Variants in MDGA2 observed in about 807,000 individuals in gnomAD.
MDGA2 encodes the protein MAM domain containing glycosylphosphatidylinositol anchor 2.
MDGA2 carries 40 observed loss-of-function variants against 117.8 expected under a neutral mutation model. The ratio of observed to expected loss-of-function variants is 0.34; its 90% CI spans 0.26 to 0.44. MDGA2 has a LOEUF of 0.44. Ranked by LOEUF, MDGA2 falls within the 20% of genes least tolerant of loss-of-function variation. MDGA2 has a pLI of 1.00. For missense variants in MDGA2, 1,123 were observed against 1,250.6 expected, an observed-to-expected ratio of 0.90 and a Z score of 1.54; for synonymous variants, 452 against 439.0, an observed-to-expected ratio of 1.03 and a Z score of -0.37.
At chr14:46,932,375 TTAGA>T (rs1884615451) in intron 9 of MDGA2, among the ~76,000 whole-genome samples, 2 of 152,072 alleles carry the variant, frequency 1.3e-5, no homozygotes, top group Non-Finnish European at 2.9e-5. Context: ...CTAATTTCCT[TTAGA>T]TACTTTTTAA....
At chr14:46,962,160 T>C (rs1290328199) in intron 8 of MDGA2, among the ~76,000 whole-genome samples, 1 of 152,204 alleles carries the variant, frequency 6.6e-6, no homozygotes, top group East Asian at 1.9e-4. Flanking sequence ...CATCACTGTC[T>C]AGGATCACAT....
intron 1 of MDGA2, among the ~76,000 whole-genome samples, chr14:47,609,624 A>G (rs4482188): frequency 6.6e-6 from 1 of 151,016 alleles, no homozygotes; most frequent in South Asian, 2.1e-4. Context: ...TTGCTGGATC[A>G]AATGGTAGTT....
chr14:47,310,130 G>C (rs1322785084), intron 1 of MDGA2, among the ~76,000 whole-genome samples: 2 of 152,024 alleles, frequency 1.3e-5, no homozygotes, highest in Non-Finnish European at 2.9e-5. Flanking sequence ...CACATTGGCA[G>C]CTTCAGATTT....
intron 1 of MDGA2, among the ~76,000 whole-genome samples, chr14:47,322,407 T>TTTA (rs904905415): frequency 2.6e-5 from 4 of 152,138 alleles, no homozygotes; most frequent in Admixed American, 2.6e-4. Context: ...CATTTCGTGC[T>TTTA]TTATTATTAT....
At chr14:47,474,590 A>G (rs1239739378) in intron 1 of MDGA2, among the ~76,000 whole-genome samples, 2 of 152,212 alleles carry the variant, frequency 1.3e-5, no homozygotes, top group Admixed American at 1.3e-4. Flanking sequence ...GAACTATACT[A>G]CAATGCTACA....
Position 46,873,512 on chromosome 14 carries a change from T to C in MDGA2, c.2673A>G (p.Ile891Met). 2 of 1,612,646 alleles carry C rather than the reference T, an allele frequency of 1.2e-6. No individual in the cohort carries two copies. The highest frequency in any genetic ancestry group is 1.7e-6 in the Non-Finnish European group (2 of 1,179,078). The change falls in exon 14 of 17, where the codon ATA (isoleucine) becomes ATG (methionine). Residue 891 changes from isoleucine (I) to methionine (M), a missense_variant. This residue lies in a region of MDGA2 where 890 missense variants were observed against 1,050.3 expected (regional missense o/e 0.85). Coordinates refer to ENST00000399232, the MANE Select transcript of MDGA2 (RefSeq NM_001113498.3). ...TGGGTCCATAAGGGTTTTTGGGAGC[T>C]ATGCTGAAAACAGGGCTGAGAAGTC... ...KARLLSPVFS[I>M]APKNPYGPTN... is the part of the protein sequence containing the mutation.
At chr14:47,571,360 T>G (rs1462267582) in intron 1 of MDGA2, among the ~76,000 whole-genome samples, 1 of 152,122 alleles carries the variant, frequency 6.6e-6, no homozygotes, top group African/African-American at 2.4e-5. Context: ...TCCTCAAGGA[T>G]CTAGAAGTAG....
chr14:46,960,865 A>G (rs1245573047), intron 8 of MDGA2, among the ~76,000 whole-genome samples: 2 of 141,260 alleles, frequency 1.4e-5, no homozygotes, highest in East Asian at 2.0e-4. Flanking sequence ...TTAATATTTT[A>G]TATATACACA....
intron 1 of MDGA2, among the ~76,000 whole-genome samples, chr14:47,455,286 G>A (rs1379499258): frequency 1.3e-5 from 2 of 152,030 alleles, no homozygotes; most frequent in East Asian, 2.0e-4. Context: ...TGGGCGGATC[G>A]CCTGAGGTCA....
chr14:47,554,861 A>T (rs1895654240), intron 1 of MDGA2, among the ~76,000 whole-genome samples: 1 of 152,164 alleles, frequency 6.6e-6, no homozygotes, highest in Non-Finnish European at 1.5e-5. Context: ...GTTATTCACC[A>T]CTAGCTGTTA....
chr14:46,940,932 T>C (rs1483413161), intron 9 of MDGA2, among the ~76,000 whole-genome samples: 4 of 152,206 alleles, frequency 2.6e-5, no homozygotes, highest in African/African-American at 9.7e-5. Context: ...GCTGTTTATC[T>C]TCTAGGAACA....
chr14:47,560,870 A>G (rs902235401), intron 1 of MDGA2, among the ~76,000 whole-genome samples: 1 of 152,102 alleles, frequency 6.6e-6, no homozygotes, highest in Admixed American at 6.6e-5. Context: ...GATTTTTTAT[A>G]TATGGGGTAA....
chr14:46,908,882 T>G (rs1460686546), intron 10 of MDGA2, among the ~76,000 whole-genome samples: 2 of 152,156 alleles, frequency 1.3e-5, no homozygotes, highest in African/African-American at 2.4e-5. Flanking sequence ...CCACTTTCCA[T>G]CAAGATGGTT....
At chr14:47,076,621 CATCTT>C (rs1890506705) in intron 6 of MDGA2, among the ~76,000 whole-genome samples, 1 of 151,026 alleles carries the variant, frequency 6.6e-6, no homozygotes, top group African/African-American at 2.4e-5. Context: ...TTTTTAAAAA[CATCTT>C]TAATTACTCT....
At chr14:47,674,363 C>T (rs999420012) in intron 1 of MDGA2, among the ~76,000 whole-genome samples, 154 bp downstream of exon 1, 5 of 152,180 alleles carry the variant, frequency 3.3e-5, no homozygotes, top group Non-Finnish European at 5.9e-5. Context: ...GCAGCGCGCT[C>T]GCTGCCTCTT....
At chr14:47,264,552 C>T (rs1339443949) in intron 2 of MDGA2, among the ~76,000 whole-genome samples, 1 of 152,026 alleles carries the variant, frequency 6.6e-6, no homozygotes, top group African/African-American at 2.4e-5. Flanking sequence ...AAGGAAGTGT[C>T]AAATAATTTA....
chr14:47,547,147 AT>A (rs1478657879), intron 1 of MDGA2, among the ~76,000 whole-genome samples: 1 of 152,086 alleles, frequency 6.6e-6, no homozygotes, highest in East Asian at 1.9e-4. Flanking sequence ...TCCTAACCTA[AT>A]TTTTTCATTA....
chr14:47,082,224 C>G (rs1395155584), intron 6 of MDGA2, among the ~76,000 whole-genome samples: 1 of 151,562 alleles, frequency 6.6e-6, no homozygotes, highest in Non-Finnish European at 1.5e-5. Flanking sequence ...CTGATCAACA[C>G]TCCCATAGAG....
intron 3 of MDGA2, among the ~76,000 whole-genome samples, chr14:47,148,157 A>T (rs1366356358): frequency 6.6e-6 from 1 of 152,078 alleles, no homozygotes; most frequent in Non-Finnish European, 1.5e-5. Context: ...CAGAAGCCTA[A>T]AGTTACTGAG....
Sources: allele counts gnomAD v4.1 joint callset (sites outside exome capture counted in the v4.1 genomes callset), GRCh38; gene constraint gnomAD v4.1.1; regional missense constraint gnomAD v4.1.1; transcripts MANE v1.5; gene names NCBI Gene and HGNC (gene_info 2026-07-23, HGNC 2026-07-21).